The following BOC variants were observed in gnomAD, a reference collection of about 807,000 sequenced individuals.
BOC encodes the protein brother of CDO.
A neutral mutation model predicts 112.0 loss-of-function variants in BOC; 76 were observed. The ratio of observed to expected loss-of-function variants is 0.68; its 90% CI spans 0.56 to 0.82. BOC has a LOEUF of 0.82. Among genes scored for constraint, BOC ranks in the 40% least tolerant of loss-of-function variants. The pLI, the probability that BOC is intolerant of heterozygous loss-of-function variation, is 0.00. For synonymous variants in BOC, 580 were observed against 599.8 expected, an observed-to-expected ratio of 0.97 and a Z score of 0.48; for missense variants, 1,309 against 1,511.7, an observed-to-expected ratio of 0.87 and a Z score of 2.22.
chr3:113,263,327 G>C (rs1489559746), intron 4 of BOC, among the ~76,000 whole-genome samples: 1 of 152,236 alleles, frequency 6.6e-6, no homozygotes, highest in African/African-American at 2.4e-5. Flanking sequence ...GAACAGGCAG[G>C]AGGGTAGGAC....
In BOC at chr3:113,249,751, G is replaced by C. The variant is rs1450673847; in HGVS notation, c.-52G>C. The C allele has an allele frequency of 6.7e-7, 1 of 1,484,412 alleles. No homozygotes were observed. Among genetic ancestry groups the C allele is most frequent in the Non-Finnish European group, 9.3e-7 (1 of 1,079,160 alleles). The allele number at this position is 1,484,412 out of a possible 1,614,324, so 92.0% of individuals were successfully genotyped here. A position where few individuals can be genotyped will look rare whatever the true frequency, so the allele number is the denominator to read the frequency against. On this transcript the variant is annotated 5_prime_UTR_variant, in exon 3 of 20. Transcript: ENST00000682979. ...TTGCCAGGGACGGCAGTATCTCTTT[G>C]TGTGACCCTGGCGGCTTATGGGACG...
chr3:113,211,383 C>G (rs374099349), upstream of BOC: 148 of 152,434 alleles, frequency 9.7e-4, no homozygotes, highest in South Asian at 0.014. Flanking sequence ...AACGGGAAAA[C>G]TGCCCTAGAG....
chr3:113,260,721 AAGAAC>A (rs1553737947), intron 4 of BOC, among the ~76,000 whole-genome samples: 12 of 92,262 alleles, frequency 1.3e-4, no homozygotes, highest in South Asian at 3.8e-4. Context: ...ACAGAACAGA[AAGAAC>A]AGAACAGAAC....
intron 2 of BOC, among the ~76,000 whole-genome samples, chr3:113,217,397 T>C (rs1381304841): frequency 6.6e-6 from 1 of 152,092 alleles, no homozygotes; most frequent in East Asian, 1.9e-4. Context: ...CGTGGTGGCA[T>C]GCGCCTGTAA....
chr3:113,237,396 C>A (rs746046289), intron 2 of BOC, among the ~76,000 whole-genome samples: 1 of 152,104 alleles, frequency 6.6e-6, no homozygotes, highest in Non-Finnish European at 1.5e-5. Flanking sequence ...TCTCCCTTTC[C>A]CATCCTCTTT....
At position 113,244,002 on chromosome 3, in the gene BOC, A is replaced by G. The variant is rs532590776; in HGVS notation, c.-81-5720A>G. 9.8e-5 allele frequency among the ~76,000 whole-genome samples: 15 copies of G among 152,314 alleles called. No homozygotes were observed. In the East Asian group the frequency reaches 2.3e-3, roughly 24 times the overall value. ...CTGTGCCTTCTGAACCATGTGACATATGGTCACCAGACTGGTGAGGCAAAG... is the reference window on the plus strand; with the variant it reads ...CTGTGCCTTCTGAACCATGTGACATGTGGTCACCAGACTGGTGAGGCAAAG... On this transcript the variant is annotated intron_variant, in intron 2 of 19. Transcript: ENST00000682979.
intron 2 of BOC, among the ~76,000 whole-genome samples, chr3:113,235,651 T>C (rs1265331474): frequency 1.3e-5 from 2 of 152,172 alleles, no homozygotes; most frequent in African/African-American, 4.8e-5. Flanking sequence ...TGCTGACTAG[T>C]GTTGGGTAGA....
intron 2 of BOC, among the ~76,000 whole-genome samples, chr3:113,225,533 A>G (rs1941524761): frequency 2.0e-5 from 3 of 152,208 alleles, no homozygotes; most frequent in Non-Finnish European, 4.4e-5. Flanking sequence ...TAGCCTGACC[A>G]GTGACTCACT....
At chr3:113,271,850 A>C (rs1055923435) in intron 6 of BOC, 16 of 164,866 alleles carry the variant, frequency 9.7e-5, no homozygotes, top group Non-Finnish European at 1.7e-4. Context: ...CCAGCTGTGC[A>C]CCTGAGGAAG....
chr3:113,279,843 A>G lies in BOC; in HGVS notation c.2043A>G (p.Arg681=). The G allele has an allele frequency of 6.2e-7, 1 of 1,609,508 alleles. No homozygotes were observed. The highest frequency in any genetic ancestry group is 2.2e-5 in the East Asian group (1 of 44,772). The change falls in exon 13 of 20, where the codon CGA becomes CGG. Residue 681 remains arginine, a synonymous_variant. Transcript: ENST00000682979. The part of the protein sequence containing the change: ...GLEKGTSYKF[R]VRALNMLGES... ...CACCAGGCACCTCCTACAAGTTTCG[A>G]GTCCGGGCTCTGAACATGCTGGGGG...
intron 2 of BOC, among the ~76,000 whole-genome samples, chr3:113,228,924 C>T (rs1406356382): frequency 2.0e-5 from 3 of 152,076 alleles, no homozygotes; most frequent in African/African-American, 7.3e-5. Context: ...AAGTTCCAGC[C>T]TGCTCCTCCG....
chr3:113,264,515 G>A (rs927169948), intron 4 of BOC, among the ~76,000 whole-genome samples: 3 of 152,306 alleles, frequency 2.0e-5, no homozygotes, highest in South Asian at 2.1e-4. Context: ...TAGGGACTCG[G>A]CCAGGAAACC....
chr3:113,213,871 G>C (rs1201639576), intron 1 of BOC, among the ~76,000 whole-genome samples: 1 of 152,182 alleles, frequency 6.6e-6, no homozygotes, highest in Admixed American at 6.5e-5. Flanking sequence ...GGGCCACTTT[G>C]CTGACACTGT....
intron 2 of BOC, among the ~76,000 whole-genome samples, chr3:113,233,149 GTGT>G (rs1258762953): frequency 2.8e-3 from 41 of 14,412 alleles, no homozygotes; most frequent in African/African-American, 6.3e-3. Flanking sequence ...AAGGATTGGG[GTGT>G]GTGTGTGTGT....
chr3:113,217,658 C>G (rs1179452111), intron 2 of BOC, among the ~76,000 whole-genome samples: 1 of 152,178 alleles, frequency 6.6e-6, no homozygotes, highest in African/African-American at 2.4e-5. Context: ...TCTTTTATCT[C>G]TCCTTGTATG....
rs1158277042 is a variant in BOC, at chr3:113,283,398, TC to T, written c.2435-11del. ...GAAACATATGCTGAAGTGAGTTTTGTCCACAATTACAGCTCGGAAGTCTTCT... is the reference window on the plus strand; with the variant it reads ...GAAACATATGCTGAAGTGAGTTTTGTCACAATTACAGCTCGGAAGTCTTCT... On this transcript the variant is annotated splice_polypyrimidine_tract_variant and intron_variant, in intron 15 of 19. Transcript: ENST00000682979. 5.1e-6 allele frequency: 8 copies of T among 1,578,962 alleles called. No homozygotes were observed. The highest frequency in any genetic ancestry group is 6.0e-6 in the Non-Finnish European group (7 of 1,158,420).
rs144269826 is a variant in BOC at position 113,273,166 on chromosome 3, C to T, written c.1059C>T (p.Ser353=). 220 of 1,613,948 alleles carry T rather than the reference C, an allele frequency of 1.4e-4. No individual in the cohort carries two copies. Among genetic ancestry groups the T allele is most frequent in the Admixed American group, 6.2e-4 (37 of 60,012 alleles). The stretch of plus-strand genomic sequence containing the variant: ...AGGTGCGTGGGAACCCCCCGCCCTC[C>T]GTGCTGTGGCTGAGGAATGCTGTGC... The part of the protein sequence containing the change: ...TCEVRGNPPP[S]VLWLRNAVPL... Residue 353 remains serine (S), a synonymous_variant, in exon 8 of 20, where the codon TCC becomes TCT. Coordinates refer to ENST00000682979, the MANE Select transcript of BOC (RefSeq NM_001378074.1).
At chr3:113,263,411 T>C (rs1947110006) in intron 4 of BOC, among the ~76,000 whole-genome samples, 1 of 152,222 alleles carries the variant, frequency 6.6e-6, no homozygotes, top group South Asian at 2.1e-4. Context: ...AGCTCATGGA[T>C]ATGGGGATAT....
At chr3:113,243,212 A>G (rs1559830676) in intron 2 of BOC, among the ~76,000 whole-genome samples, 1 of 152,240 alleles carries the variant, frequency 6.6e-6, no homozygotes, top group Non-Finnish European at 1.5e-5. Flanking sequence ...TGGGTTGAAG[A>G]GAAGGCTGAT....
Sources: allele counts gnomAD v4.1 joint callset (sites outside exome capture counted in the v4.1 genomes callset), GRCh38; gene constraint gnomAD v4.1.1; transcripts MANE v1.5; gene names NCBI Gene and HGNC (gene_info 2026-07-23, HGNC 2026-07-21).